TCF12: variants seen among roughly 807,000 people sequenced by gnomAD.
TCF12 encodes the protein DNA-binding protein HTF4.
A neutral mutation model predicts 86.0 loss-of-function variants in TCF12; 45 were observed. The observed-to-expected ratio is 0.52, with a 90% CI of 0.41 to 0.67. The LOEUF (loss-of-function observed/expected upper bound fraction) is 0.67. Ranked by LOEUF, TCF12 falls within the 30% of genes least tolerant of loss-of-function variation. The probability of loss-of-function intolerance (pLI) is 0.00; values close to 1 mark genes in which losing one functional copy is unlikely to be tolerated. For missense variants in TCF12, 881 were observed against 859.9 expected (o/e 1.02, Z -0.31); for synonymous variants, 330 against 299.6 (o/e 1.10, Z -1.05).
intron 3 of TCF12, among the ~76,000 whole-genome samples, chr15:57,036,588 C>G (rs2066518980): frequency 6.6e-6 from 1 of 152,052 alleles, no homozygotes; most frequent in Non-Finnish European, 1.5e-5. Context: ...TTTGCATTTC[C>G]TTAGTGGCTG....
chr15:57,027,840 T>C (rs1305888975), intron 3 of TCF12, among the ~76,000 whole-genome samples: 2 of 152,158 alleles, frequency 1.3e-5, no homozygotes, highest in African/African-American at 4.8e-5. Flanking sequence ...TAAAGGGCAG[T>C]TCCCCTGCAC....
At chr15:56,988,600 G>A (rs1253999379) in intron 3 of TCF12, among the ~76,000 whole-genome samples, 10 of 152,182 alleles carry the variant, frequency 6.6e-5, no homozygotes, top group Non-Finnish European at 1.5e-4. Context: ...AGAGCACAAA[G>A]AGTGTGCATA....
At chr15:56,955,653 G>A (rs1363648242) in intron 3 of TCF12, among the ~76,000 whole-genome samples, 1 of 152,212 alleles carries the variant, frequency 6.6e-6, no homozygotes, top group Non-Finnish European at 1.5e-5. Flanking sequence ...TTTATGGTTT[G>A]AAATATGGTT....
intron 3 of TCF12, among the ~76,000 whole-genome samples, chr15:57,011,979 G>A (rs1169478915): frequency 6.6e-6 from 1 of 152,136 alleles, no homozygotes; most frequent in East Asian, 1.9e-4. Flanking sequence ...GTAATGGTGT[G>A]TATAGGAAAT....
At chr15:56,994,844 T>C (rs1265519406) in intron 3 of TCF12, among the ~76,000 whole-genome samples, 1 of 152,126 alleles carries the variant, frequency 6.6e-6, no homozygotes, top group Admixed American at 6.5e-5. Flanking sequence ...GGGAAATTTA[T>C]ATCAGAAGAA....
chr15:57,152,498 T>C lies in TCF12; in HGVS notation c.326-13904T>C, dbSNP rs570425447. On this transcript the variant is annotated intron_variant, in intron 5 of 20. Coordinates refer to ENST00000333725, the MANE Select transcript of TCF12 (RefSeq NM_207037.2). ...AGCATGCATGAATTAATGGGGAATT[T>C]AGCTGATAGATGGAAATAATGAGTC... Among the ~76,000 whole-genome samples the C allele has an allele frequency of 5.3e-5, 8 of 151,870 alleles. No homozygotes were observed. In the South Asian group the frequency reaches 1.7e-3, roughly 32 times the overall value.
intron 3 of TCF12, among the ~76,000 whole-genome samples, chr15:56,968,817 T>C (rs2062140300): frequency 6.6e-6 from 1 of 152,140 alleles, no homozygotes. Flanking sequence ...TTTTATACAT[T>C]TTAGGGAGAC....
At chr15:56,958,678 A>T (rs28446486) in intron 3 of TCF12, among the ~76,000 whole-genome samples, 34,058 of 140,720 alleles carry the variant, frequency 0.24, 4,725 homozygotes, top group African/African-American at 0.38. Context: ...AGAGAGAGAG[A>T]GTGTGTGTGT....
intron 5 of TCF12, among the ~76,000 whole-genome samples, chr15:57,097,945 C>G (rs1304850161): frequency 1.5e-5 from 2 of 137,454 alleles, no homozygotes; most frequent in African/African-American, 5.4e-5. Context: ...CACCTGAGTT[C>G]AGGAGTTCGA....
chr15:56,920,823 A>G lies in TCF12; in HGVS notation c.76-203A>G, dbSNP rs1372333763. Reference sequence around the variant, plus strand: ...TCCATGTAAATGATCGGGTCTTCAGAACAAAATGTAACCATTATTTCCAAT... The same window carrying G: ...TCCATGTAAATGATCGGGTCTTCAGGACAAAATGTAACCATTATTTCCAAT... On this transcript the variant is annotated intron_variant, in intron 2 of 20. Transcript: ENST00000333725. Among the ~76,000 whole-genome samples the G allele has an allele frequency of 2.6e-5, 4 of 152,198 alleles. No homozygotes were observed. The South Asian group carries it at 6.2e-4, about 24-fold the overall frequency.
At position 57,128,832 on chromosome 15, in the gene TCF12, G is replaced by A. The variant is rs529542007; in HGVS notation, c.325+36941G>A. ...CTCTTTTTACTTAGCGTATTTTCAGGATTCATCTGTGTTATGTTACATAAT... is the reference window on the plus strand; with the variant it reads ...CTCTTTTTACTTAGCGTATTTTCAGAATTCATCTGTGTTATGTTACATAAT... On this transcript the variant is annotated intron_variant, in intron 5 of 20. Transcript: ENST00000333725. Among the ~76,000 whole-genome samples the A allele has an allele frequency of 2.0e-5, 3 of 152,194 alleles. No individual in the cohort carries two copies. In the East Asian group the frequency reaches 5.8e-4, roughly 29 times the overall value.
intron 3 of TCF12, among the ~76,000 whole-genome samples, chr15:57,025,104 T>C (rs2065743068): frequency 6.6e-6 from 1 of 151,782 alleles, no homozygotes; most frequent in African/African-American, 2.4e-5. Flanking sequence ...AGACCAAGGC[T>C]CAGCTCGCTC....
At chr15:57,269,964 A>G (rs564393976) in intron 18 of TCF12, among the ~76,000 whole-genome samples, 17 of 152,146 alleles carry the variant, frequency 1.1e-4, no homozygotes, top group Non-Finnish European at 1.9e-4. Flanking sequence ...GGGTAATCCA[A>G]CCTTTATTTC....
rs2062020363 is a variant in TCF12 at position 57,289,007 on chromosome 15, A to G, written c.*2862A>G. On this transcript the variant is annotated 3_prime_UTR_variant, in exon 21 of 21. Transcript: ENST00000333725. ...ATCCCAGTTTTTAACCACAAAAAAA[A>G]GCGTAGGGATTATCCATGAGGACTT... 1 of 150,276 alleles carries G rather than the reference A, an allele frequency of 6.7e-6. No individual in the cohort carries two copies. Among genetic ancestry groups the G allele is most frequent in the African/African-American group, 2.5e-5 (1 of 40,202 alleles). 9.3% of individuals were successfully genotyped at this position (150,276 alleles called of 1,614,324 possible).
chr15:57,137,253 A>T (rs886791337), intron 5 of TCF12, among the ~76,000 whole-genome samples: 2 of 152,138 alleles, frequency 1.3e-5, no homozygotes, highest in Admixed American at 6.5e-5. Flanking sequence ...AAGTGCTGGG[A>T]TTACAGGCGT....
At position 57,262,153 on chromosome 15, in the gene TCF12, T is replaced by C. The variant is rs752320263; in HGVS notation, c.1527T>C (p.Ser509=). 3.7e-6 allele frequency: 6 copies of C among 1,613,666 alleles called. No individual in the cohort carries two copies. The highest frequency in any genetic ancestry group is 1.6e-4 in the Middle Eastern group (1 of 6,084). Residue 509 remains serine, a synonymous_variant, in exon 17 of 21, where the codon AGT becomes AGC. Coordinates refer to ENST00000333725, the MANE Select transcript of TCF12 (RefSeq NM_207037.2). The part of the protein sequence containing the change: ...SLNGNHSVLS[S]TVTTSSTDLN... Reference sequence around the variant, plus strand: ...ATGGCAATCATTCAGTCCTGTCTAGTACAGTCACTACTTCAAGCACAGACC... The same window carrying C: ...ATGGCAATCATTCAGTCCTGTCTAGCACAGTCACTACTTCAAGCACAGACC...
chr15:57,259,157 G>C (rs1368985239), intron 16 of TCF12, among the ~76,000 whole-genome samples: 1 of 151,940 alleles, frequency 6.6e-6, no homozygotes, highest in East Asian at 1.9e-4. Context: ...ATATAAAATT[G>C]TTCAAAATGG....
chr15:57,223,701 C>A (rs2058735164), intron 8 of TCF12, among the ~76,000 whole-genome samples: 1 of 112,430 alleles, frequency 8.9e-6, no homozygotes. Context: ...AGTAAAATTA[C>A]ATTGTAAATA....
At chr15:57,086,244 A>AATATC (rs2048622904) in intron 4 of TCF12, among the ~76,000 whole-genome samples, 1 of 75,524 alleles carries the variant, frequency 1.3e-5, no homozygotes, top group Non-Finnish European at 3.2e-5. Flanking sequence ...ATAATAATAT[A>AATATC]ATGACTAGTG....
Sources: gnomAD v4.1 joint callset for allele counts (sites outside exome capture counted in the v4.1 genomes callset) on GRCh38, gnomAD v4.1.1 for gene constraint, MANE v1.5 for transcripts, NCBI Gene and HGNC (gene_info 2026-07-23, HGNC 2026-07-21) for gene names.